The following TENM4 variants were observed in gnomAD, a reference collection of about 807,000 sequenced individuals.
The protein encoded by TENM4 is teneurin transmembrane protein 4, also known as teneurin-4.
A neutral mutation model predicts 243.3 loss-of-function variants in TENM4; 82 were observed. The observed-to-expected ratio is 0.34, with a 90% confidence interval of 0.28 to 0.40. The LOEUF (loss-of-function observed/expected upper bound fraction) is 0.40. TENM4 is among the 10% of genes least tolerant of loss of function. The pLI, the probability that TENM4 is intolerant of heterozygous loss-of-function variation, is 1.00. For missense variants in TENM4, 3,138 were observed against 3,673.3 expected, an observed-to-expected ratio of 0.85 and a Z score of 3.77; for synonymous variants, 1,412 against 1,456.3, an observed-to-expected ratio of 0.97 and a Z score of 0.69.
chr11:79,403,436 ATAGT>A (rs2135559424), intron 1 of TENM4, among the ~76,000 whole-genome samples: 1 of 151,910 alleles, frequency 6.6e-6, no homozygotes. Context: ...GAAGGCACTG[ATAGT>A]TCCATTTTGC....
intron 2 of TENM4, among the ~76,000 whole-genome samples, chr11:79,234,923 T>C (rs544493211): frequency 5.9e-5 from 9 of 152,218 alleles, no homozygotes; most frequent in East Asian, 1.9e-4. Flanking sequence ...TACTGAAGCA[T>C]TGAACTTTCC....
rs559135007 is a variant in TENM4, at chr11:79,151,531, G to A, written c.-162-2725C>T. Among the ~76,000 whole-genome samples, 6 of 152,290 alleles carry A rather than the reference G, an allele frequency of 3.9e-5. No homozygotes were observed. In the South Asian group the frequency reaches 1.0e-3, roughly 26 times the overall value. Reference sequence around the variant, plus strand: ...GGTGTTTGGGGAAGAGATGTGCTCTGTGTGTCATGTGTTAATGACTGGTCA... The same window carrying A: ...GGTGTTTGGGGAAGAGATGTGCTCTATGTGTCATGTGTTAATGACTGGTCA... On this transcript the variant is annotated intron_variant, in intron 3 of 33. Coordinates refer to ENST00000278550, the MANE Select transcript of TENM4 (RefSeq NM_001098816.3).
chr11:79,264,629 C>T (rs1297525956), intron 2 of TENM4, among the ~76,000 whole-genome samples: 1 of 152,106 alleles, frequency 6.6e-6, no homozygotes, highest in Non-Finnish European at 1.5e-5. Context: ...TACTACGTGA[C>T]CCCAGCCCAA....
chr11:79,348,286 G>C lies in TENM4; in HGVS notation c.-320-50743C>G, dbSNP rs144146907. Among the ~76,000 whole-genome samples, 78 of 152,030 alleles carry C rather than the reference G, an allele frequency of 5.1e-4. 1 individual carries two copies. The East Asian group carries it at 0.015, about 29-fold the overall frequency. ...TATAGTGGTGTGCAGTACTGCCATG[G>C]TGCCCAACTGTATGGAGGTGGCACT... On this transcript the variant is annotated intron_variant, in intron 1 of 33. Transcript: ENST00000278550.
chr11:78,855,646 A>G (rs1858663483), intron 11 of TENM4, among the ~76,000 whole-genome samples: 1 of 152,226 alleles, frequency 6.6e-6, no homozygotes, highest in Non-Finnish European at 1.5e-5. Flanking sequence ...AGAGGATTCA[A>G]ACTCAGATCT....
Position 78,688,098 on chromosome 11 carries a change from G to A in TENM4, c.5216C>T (p.Thr1739Ile). ...GGCGCCTGAGGCAGACAGGTTGGTG[G>A]TTATGGTGACATCATCCTTGCTGGA... ...ETSSKDDVTI[T>I]TNLSASGAFY... The change falls in exon 29 of 34, where the codon ACC becomes ATC. Residue 1739 changes from threonine (T) to isoleucine (I), a missense_variant. This residue lies in a region of TENM4 where 2,467 missense variants were observed against 3,059.1 expected (regional missense o/e 0.81). Transcript: ENST00000278550. 11 of 1,613,926 alleles carry A rather than the reference G, an allele frequency of 6.8e-6. No homozygotes were observed. Among genetic ancestry groups the A allele is most frequent in the Non-Finnish European group, 8.5e-6 (10 of 1,179,878 alleles).
At position 79,179,111 on chromosome 11, in the gene TENM4, T is replaced by C. The variant is rs570945547; in HGVS notation, c.-162-30305A>G. 2.6e-4 allele frequency among the ~76,000 whole-genome samples: 39 copies of C among 152,358 alleles called. 1 individual carries two copies. The South Asian group carries it at 7.4e-3, about 29-fold the overall frequency. ...CTAATGTTAGCAACAACAACAATGA[T>C]GATGATATACTATATTTTGTACATT... On this transcript the variant is annotated intron_variant, in intron 3 of 33. Transcript: ENST00000278550.
chr11:78,932,477 A>G (rs1856692062), intron 6 of TENM4, among the ~76,000 whole-genome samples: 1 of 152,052 alleles, frequency 6.6e-6, no homozygotes, highest in South Asian at 2.1e-4. Flanking sequence ...TGTTCCGAGA[A>G]GATCTCTGAC....
At chr11:78,878,514 C>G (rs115945481) in intron 9 of TENM4, among the ~76,000 whole-genome samples, 1 of 152,168 alleles carries the variant, frequency 6.6e-6, no homozygotes, top group African/African-American at 2.4e-5. Flanking sequence ...TGAGAAAGAA[C>G]TGATTGGTAG....
At chr11:79,158,309 G>A (rs1862665287) in intron 3 of TENM4, among the ~76,000 whole-genome samples, 1 of 152,194 alleles carries the variant, frequency 6.6e-6, no homozygotes, top group African/African-American at 2.4e-5. Flanking sequence ...ATCTCCCCTT[G>A]CAAAGTTGTA....
intron 27 of TENM4, among the ~76,000 whole-genome samples, chr11:78,707,513 C>A (rs56775379): frequency 0.067 from 10,241 of 152,282 alleles, 849 homozygotes; most frequent in African/African-American, 0.2. Flanking sequence ...ACTGCGGCCA[C>A]CTGCTTCCAA....
At chr11:79,129,776 C>T (rs1355914275) in intron 4 of TENM4, among the ~76,000 whole-genome samples, 4 of 152,158 alleles carry the variant, frequency 2.6e-5, no homozygotes, top group Admixed American at 6.5e-5. Flanking sequence ...GCCCTGCCCC[C>T]GACCTGATGG....
At chr11:78,996,083 T>C (rs1858166273) in intron 6 of TENM4, among the ~76,000 whole-genome samples, 1 of 152,124 alleles carries the variant, frequency 6.6e-6, no homozygotes, top group Admixed American at 6.6e-5. Context: ...CCTCAAAAAC[T>C]AGGGGGAATG....
intron 12 of TENM4, among the ~76,000 whole-genome samples, chr11:78,834,143 TC>T (rs1565398808): frequency 6.6e-6 from 1 of 152,220 alleles, no homozygotes; most frequent in East Asian, 1.9e-4. Flanking sequence ...TTAGCACACC[TC>T]CCCTTCCATT....
At chr11:79,220,111 G>A (rs111915304) in intron 2 of TENM4, among the ~76,000 whole-genome samples, 3 of 152,368 alleles carry the variant, frequency 2.0e-5, no homozygotes, top group South Asian at 2.1e-4. Context: ...GAGAAACTCA[G>A]CGTTCCTGTG....
At chr11:79,376,796 C>A (rs1176193032) in intron 1 of TENM4, among the ~76,000 whole-genome samples, 1 of 152,134 alleles carries the variant, frequency 6.6e-6, no homozygotes, top group Non-Finnish European at 1.5e-5. Flanking sequence ...CACACTCAGC[C>A]CCTCCTCCTT....
intron 4 of TENM4, among the ~76,000 whole-genome samples, chr11:79,124,489 G>A (rs1249121145): frequency 6.6e-6 from 1 of 152,040 alleles, no homozygotes; most frequent in Non-Finnish European, 1.5e-5. Context: ...ACGTTCTTCA[G>A]TTTTGGAAGC....
intron 6 of TENM4, chr11:78,924,363 T>C (rs1267696530): frequency 6.6e-6 from 1 of 152,254 alleles, no homozygotes; most frequent in Admixed American, 6.5e-5. Context: ...ACCCTACCTC[T>C]GGGCTTCCTT....
chr11:79,221,841 T>C (rs1233169134), intron 2 of TENM4, among the ~76,000 whole-genome samples: 1 of 152,206 alleles, frequency 6.6e-6, no homozygotes, highest in East Asian at 1.9e-4. Context: ...TTTTTTTCTT[T>C]TTTTACACGT....
Sources: allele counts gnomAD v4.1 joint callset (sites outside exome capture counted in the v4.1 genomes callset), GRCh38; gene constraint gnomAD v4.1.1; regional missense constraint gnomAD v4.1.1; transcripts MANE v1.5; gene names NCBI Gene and HGNC (gene_info 2026-07-23, HGNC 2026-07-21).